Variants in ISL2 observed in about 807,000 individuals in gnomAD.
The protein encoded by ISL2 is ISL LIM homeobox 2, also known as insulin gene enhancer protein ISL-2.
Under a neutral mutation model 34.6 loss-of-function variants are expected in ISL2, and 17 were observed. The observed-to-expected ratio is 0.49, with a 90% CI of 0.34 to 0.74. ISL2 has a LOEUF of 0.74. Among genes scored for constraint, ISL2 ranks in the 30% least tolerant of loss-of-function variants. ISL2 has a pLI of 0.01. For missense variants in ISL2, 469 were observed against 515.2 expected (o/e 0.91, Z 0.87); for synonymous variants, 232 against 225.5 (o/e 1.03, Z -0.26).
intron 3 of ISL2, chr15:76,339,262 C>T (rs2040175030): frequency 1.0e-6 from 1 of 985,110 alleles, no homozygotes; most frequent in African/African-American, 1.7e-5. Context: ...TGCTGTGTGG[C>T]CTTGCCCCGC....
At chr15:76,340,642 G>C in intron 4 of ISL2, 83 bp downstream of exon 4, 1 of 1,387,074 alleles carries the variant, frequency 7.2e-7, no homozygotes. Context: ...TTCTGGGCGA[G>C]CCCTGGGAGA....
At chr15:76,338,175 C>G in intron 2 of ISL2, 77 bp from the exon 3 acceptor site, 9 of 1,479,338 alleles carry the variant, frequency 6.1e-6, no homozygotes, top group Non-Finnish European at 8.0e-6. Flanking sequence ...CCTGGGCGCG[C>G]GCCGGAGCCG....
chr15:76,340,629 C>T, intron 4 of ISL2, 70 bp downstream of exon 4: 1 of 1,481,102 alleles, frequency 6.8e-7, no homozygotes, highest in East Asian at 2.3e-5. Flanking sequence ...TCTGCGTGCC[C>T]TTTTCTGGGC....
chr15:76,340,623 C>A, intron 4 of ISL2, 64 bp downstream of exon 4: 1 of 1,516,632 alleles, frequency 6.6e-7, no homozygotes, highest in Non-Finnish European at 9.0e-7. Context: ...GCGGTATCTG[C>A]GTGCCCTTTT....
In ISL2 at chr15:76,341,123, T is replaced by A. The variant is rs746663387; in HGVS notation, c.796-11T>A. 6.4e-7 allele frequency: 1 copy of A among 1,551,942 alleles called. No individual in the cohort carries two copies. The highest frequency in any genetic ancestry group is 1.2e-5 in the South Asian group (1 of 83,194). ...AACTCGAGCACCTACTGCCTTCTGC[T>A]TGCCCCGCAGAGCCTTCAGGGACTG... On this transcript the variant is annotated splice_polypyrimidine_tract_variant and intron_variant, in intron 4 of 5. Transcript: ENST00000290759.
chr15:76,337,988 G>C, intron 2 of ISL2, 21 bp downstream of exon 2: 3 of 1,539,664 alleles, frequency 1.9e-6, no homozygotes, highest in Non-Finnish European at 2.6e-6. Context: ...CGGGAACGCG[G>C]GCTGGGCCAC....
Position 76,339,966 on chromosome 15 carries a change from T to C in ISL2, c.512-310T>C, listed in dbSNP as rs1286563363. 4 of 1,190,368 alleles carry C rather than the reference T, an allele frequency of 3.4e-6. No individual in the cohort carries two copies. The Admixed American group carries it at 1.3e-4, about 38-fold the overall frequency. The allele number at this position is 1,190,368 out of a possible 1,614,324, so 73.7% of individuals were successfully genotyped here. A position where few individuals can be genotyped will look rare whatever the true frequency, so the allele number is the denominator to read the frequency against. ...TCGCTCGTTCCGAGGGTCCTGCGAC[T>C]GGAGGAGGCACATCCCTGAGCAGCC... On this transcript the variant is annotated intron_variant, in intron 3 of 5. Transcript: ENST00000290759.
chr15:76,340,336 C>A lies in ISL2; in HGVS notation c.572C>A (p.Thr191Lys). 6.2e-7 allele frequency: 1 copy of A among 1,612,272 alleles called. No individual in the cohort carries two copies. The highest frequency in any genetic ancestry group is 1.1e-5 in the South Asian group (1 of 91,026). ...RPHVHKQTEK[T>K]TRVRTVLNEK... ...CACGTGCACAAGCAGACGGAGAAGA[C>A]GACCCGCGTGCGGACTGTGCTGAAC... Residue 191 changes from threonine to lysine, a missense_variant, in exon 4 of 6, where the codon ACG (threonine) becomes AAG (lysine). By Grantham distance (78) the Thr-to-Lys change is moderately conservative. Around this residue, in one of 3 missense-constraint regions of ISL2, gnomAD observed 297 missense variants for 337.8 expected, o/e 0.88. Transcript: ENST00000290759.
chr15:76,339,631 G>A lies in ISL2; in HGVS notation c.512-645G>A, dbSNP rs986914177. On this transcript the variant is annotated intron_variant, in intron 3 of 5. Coordinates refer to ENST00000290759, the MANE Select transcript of ISL2 (RefSeq NM_145805.3). ...ACCTTGGTCGGTGGGAGGCCACTGG[G>A]CTGGGGAACCTGGAGCCTTGAGGAA... 8 of 985,536 alleles carry A rather than the reference G, an allele frequency of 8.1e-6. No homozygotes were observed. In the African/African-American group the frequency reaches 1.4e-4, roughly 17 times the overall value. 61.0% of individuals were successfully genotyped at this position (985,536 alleles called of 1,614,324 possible).
At chr15:76,337,738 G>A (rs769340804) in intron 1 of ISL2, 40 bp from the exon 2 acceptor site, 1 of 1,505,582 alleles carries the variant, frequency 6.6e-7, no homozygotes, top group Non-Finnish European at 8.9e-7. Flanking sequence ...CTGGGTCCGG[G>A]CAGTCAGGCC....
rs763466892 is a variant in ISL2 at position 76,341,712 on chromosome 15, G to T, written c.964-7G>T. 6.2e-7 allele frequency: 1 copy of T among 1,603,140 alleles called. No individual in the cohort carries two copies. Among genetic ancestry groups the T allele is most frequent in the Non-Finnish European group, 8.5e-7 (1 of 1,170,376 alleles). On this transcript the variant is annotated splice_region_variant and splice_polypyrimidine_tract_variant and intron_variant, in intron 5 of 5. Coordinates refer to ENST00000290759, the MANE Select transcript of ISL2 (RefSeq NM_145805.3). ...CCTGCCTCTTCCCGGTGTTTCCGCC[G>T]CCCCAGGTCTCCTTCTCCGAGTCCG...
rs761927174 is a variant in ISL2, at chr15:76,340,273, C to G, written c.512-3C>G. ...AACCTCTGGCCTCACCCTGTCCTGGCAGACGCTGGGTCGGGCCGGCAGCCC... is the reference window on the plus strand; with the variant it reads ...AACCTCTGGCCTCACCCTGTCCTGGGAGACGCTGGGTCGGGCCGGCAGCCC... On this transcript the variant is annotated splice_polypyrimidine_tract_variant and splice_region_variant and intron_variant, in intron 3 of 5. Transcript: ENST00000290759. 3.8e-5 allele frequency: 61 copies of G among 1,594,662 alleles called. No homozygotes were observed. The East Asian group carries it at 1.3e-3, about 35-fold the overall frequency.
Position 76,336,854 on chromosome 15 carries a change from C to G in ISL2, c.-30C>G, listed in dbSNP as rs753450412. On this transcript the variant is annotated 5_prime_UTR_variant, in exon 1 of 6. Coordinates refer to ENST00000290759, the MANE Select transcript of ISL2 (RefSeq NM_145805.3). The stretch of plus-strand genomic sequence containing the variant: ...CGACCCTCGTCCTTCTGCCCCTGGC[C>G]GCACACTTTGCGCACATCTCTTTTT... 3.7e-6 allele frequency: 6 copies of G among 1,604,672 alleles called. No individual in the cohort carries two copies. In the Admixed American group the frequency reaches 1.0e-4, roughly 27 times the overall value.
rs868081826 is a variant in ISL2 at position 76,340,987 on chromosome 15, G to A, written c.796-147G>A. The A allele has an allele frequency of 1.4e-5, 12 of 829,856 alleles. No homozygotes were observed. In the South Asian group the frequency reaches 2.1e-4, roughly 15 times the overall value. The allele number at this position is 829,856 out of a possible 1,614,324, so 51.4% of individuals were successfully genotyped here. On this transcript the variant is annotated intron_variant, in intron 4 of 5. Coordinates refer to ENST00000290759, the MANE Select transcript of ISL2 (RefSeq NM_145805.3). ...CCCCCGCAGATCCCCAGTGGAGAAA[G>A]AGGGCTCTTCCGATGCGATCGAGTG... is the stretch of plus-strand genomic sequence containing the variant.
At position 76,341,968 on chromosome 15, in the gene ISL2, G is replaced by A; in HGVS notation, c.*133G>A. On this transcript the variant is annotated 3_prime_UTR_variant, in exon 6 of 6. Transcript: ENST00000290759. ...CTATTGTTATTTATGAGAGAGTACC[G>A]AGAGACACGGTCTGGACAGCCCAAG... The A allele has an allele frequency of 1.5e-6, 1 of 681,394 alleles. No homozygotes were observed. 42.2% of individuals were successfully genotyped at this position (681,394 alleles called of 1,614,324 possible).
At chr15:76,340,225 C>T in intron 3 of ISL2, 51 bp from the exon 4 acceptor site, 5 of 896,182 alleles carry the variant, frequency 5.6e-6, no homozygotes, top group Non-Finnish European at 6.7e-6. Flanking sequence ...GGGCTCGGGG[C>T]GGGTGGGTGG....
Position 76,337,916 on chromosome 15 carries a change from G to A in ISL2, c.197G>A (p.Cys66Tyr), listed in dbSNP as rs1308831564. 23 of 1,611,732 alleles carry A rather than the reference G, an allele frequency of 1.4e-5. No individual in the cohort carries two copies. The highest frequency in any genetic ancestry group is 1.8e-5 in the Non-Finnish European group (21 of 1,179,210). The change falls in exon 2 of 6, where the codon TGC (cysteine) becomes TAC (tyrosine). Residue 66 changes from cysteine (C) to tyrosine (Y), a missense_variant. Transcript: ENST00000290759. ...AECSQYLDET[C>Y]TCFVRDGKTY... is the part of the protein sequence containing the mutation. Reference sequence around the variant, plus strand: ...TGCAGCCAGTACCTGGACGAGACGTGCACGTGCTTCGTGAGAGACGGGAAG... The same window carrying A: ...TGCAGCCAGTACCTGGACGAGACGTACACGTGCTTCGTGAGAGACGGGAAG...
chr15:76,336,926 G>C lies in ISL2; in HGVS notation c.43G>C (p.Gly15Arg). ...IFHYPFLGAM[G>R]DHSKKKPGTA... ...TCATTATCCTTTTCTGGGTGCTATG[G>C]GTGATCATTCCAAGAGTAAGTATTT... The change falls in exon 1 of 6, where the codon GGT becomes CGT. Residue 15 changes from glycine (G) to arginine (R), a missense_variant. This residue lies in a region of ISL2 where 297 missense variants were observed against 337.8 expected (regional missense o/e 0.88). Transcript: ENST00000290759. 6.2e-7 allele frequency: 1 copy of C among 1,612,104 alleles called. No individual in the cohort carries two copies. Among genetic ancestry groups the C allele is most frequent in the Admixed American group, 1.7e-5 (1 of 60,026 alleles).
chr15:76,339,967 G>A (rs1441971015), intron 3 of ISL2: 12 of 1,199,526 alleles, frequency 1.0e-5, no homozygotes, highest in African/African-American at 3.2e-5. Flanking sequence ...TCCTGCGACT[G>A]GAGGAGGCAC....
Sources: gnomAD v4.1 joint callset for allele counts on GRCh38, gnomAD v4.1.1 for gene constraint, gnomAD v4.1.1 regional missense constraint, MANE v1.5 for transcripts, NCBI Gene and HGNC (gene_info 2026-07-23, HGNC 2026-07-21) for gene names.